The following SYK variants were observed in gnomAD, a reference collection of about 807,000 sequenced individuals.
SYK encodes the protein tyrosine-protein kinase SYK.
Under a neutral mutation model 77.8 loss-of-function variants are expected in SYK, and 16 were observed. That is an observed-to-expected ratio of 0.21 (90% confidence interval 0.14 to 0.31). The LOEUF (loss-of-function observed/expected upper bound fraction) is 0.31, where lower values mean the gene tolerates loss of function less well. Ranked by LOEUF, SYK falls within the 10% of genes least tolerant of loss-of-function variation. SYK has a pLI of 1.00. For missense variants in SYK, 529 were observed against 814.4 expected (o/e 0.65, Z 4.26); for synonymous variants, 312 against 308.7 (o/e 1.01, Z -0.11).
intron 1 of SYK, among the ~76,000 whole-genome samples, chr9:90,831,391 A>G (rs889070036): frequency 6.6e-6 from 1 of 152,238 alleles, no homozygotes; most frequent in African/African-American, 2.4e-5. Flanking sequence ...GACATAGGCT[A>G]CCTCTTCTGG....
chr9:90,819,147 G>T (rs937746728), intron 1 of SYK, among the ~76,000 whole-genome samples: 3 of 152,180 alleles, frequency 2.0e-5, no homozygotes, highest in African/African-American at 7.2e-5. Flanking sequence ...GCTTGTTTGT[G>T]ACCACTGAGG....
chr9:90,882,538 T>G (rs1828196782), intron 11 of SYK, among the ~76,000 whole-genome samples: 2 of 152,224 alleles, frequency 1.3e-5, no homozygotes, highest in Admixed American at 6.5e-5. Flanking sequence ...CTATGCAGTT[T>G]TGACCTCTGT....
intron 1 of SYK, among the ~76,000 whole-genome samples, chr9:90,822,221 A>C (rs1004231264): frequency 6.6e-6 from 1 of 152,216 alleles, no homozygotes; most frequent in African/African-American, 2.4e-5. Flanking sequence ...TGTAAGAGAT[A>C]TGTTTTCGAA....
intron 11 of SYK, 94 bp downstream of exon 11, chr9:90,879,047 A>G: frequency 2.0e-6 from 2 of 983,744 alleles, no homozygotes. Flanking sequence ...TATGGTTTCA[A>G]AAAGCAGTTT....
At chr9:90,893,103 A>G (rs726757) in intron 13 of SYK, among the ~76,000 whole-genome samples, 95,811 of 152,064 alleles carry the variant, frequency 0.63, 31,122 homozygotes, top group Non-Finnish European at 0.72. Flanking sequence ...CCCTGTCCCT[A>G]TCAGACCTTA....
intron 1 of SYK, among the ~76,000 whole-genome samples, chr9:90,807,301 G>A (rs183274264): frequency 6.6e-6 from 1 of 152,290 alleles, no homozygotes; most frequent in East Asian, 1.9e-4. Flanking sequence ...GCAGAATGTT[G>A]TGGTTGTTTT....
intron 3 of SYK, among the ~76,000 whole-genome samples, chr9:90,851,893 A>C (rs905051855): frequency 6.6e-6 from 1 of 152,210 alleles, no homozygotes; most frequent in Non-Finnish European, 1.5e-5. Flanking sequence ...GGCATACAAT[A>C]GAATGTATTT....
chr9:90,862,500 A>T (rs1827314025), intron 4 of SYK, among the ~76,000 whole-genome samples, 156 bp downstream of exon 4: 1 of 151,982 alleles, frequency 6.6e-6, no homozygotes, highest in African/African-American at 2.4e-5. Context: ...AGAAACACAC[A>T]CCTGGACCAC....
chr9:90,835,414 C>T (rs1224961042), intron 1 of SYK, among the ~76,000 whole-genome samples: 2 of 152,162 alleles, frequency 1.3e-5, no homozygotes, highest in Non-Finnish European at 2.9e-5. Flanking sequence ...TTAAGAGGAG[C>T]TTGGGTGATA....
chr9:90,852,293 TCA>T (rs1311098879), intron 3 of SYK, among the ~76,000 whole-genome samples: 20 of 152,200 alleles, frequency 1.3e-4, no homozygotes, highest in East Asian at 1.2e-3. Flanking sequence ...GGCCGTGCAG[TCA>T]CATTGCTGGG....
rs1334289468 is a variant in SYK, at chr9:90,843,712, T to C, written c.-41-146T>C. On this transcript the variant is annotated intron_variant, in intron 1 of 13. Coordinates refer to ENST00000375754, the MANE Select transcript of SYK (RefSeq NM_003177.7). ...ATGATGATGTGAACAGAAAGACAAC[T>C]GTGTGTTGGGAGGGCCAAAGAGGGA... The C allele has an allele frequency of 4.0e-5, 20 of 495,950 alleles. No individual in the cohort carries two copies. In the East Asian group the frequency reaches 6.2e-4, roughly 15 times the overall value. 30.7% of individuals were successfully genotyped at this position (495,950 alleles called of 1,614,324 possible). A position where few individuals can be genotyped will look rare whatever the true frequency, so the allele number is the denominator to read the frequency against.
rs1824942543 is a variant in SYK at position 90,808,600 on chromosome 9, G to A, written c.-42+6707G>A. Among the ~76,000 whole-genome samples the A allele has an allele frequency of 5.9e-5, 9 of 152,182 alleles. 1 individual carries two copies. In the South Asian group the frequency reaches 1.7e-3, roughly 28 times the overall value. Reference sequence around the variant, plus strand: ...GGCCCATAACTGGTCTGTGTGGTGTGTGGGTGGCAGGAACTCCCTGTTCTT... The same window carrying A: ...GGCCCATAACTGGTCTGTGTGGTGTATGGGTGGCAGGAACTCCCTGTTCTT... On this transcript the variant is annotated intron_variant, in intron 1 of 13. Transcript: ENST00000375754.
chr9:90,852,522 A>G (rs1826857458), intron 3 of SYK, among the ~76,000 whole-genome samples: 1 of 152,230 alleles, frequency 6.6e-6, no homozygotes, highest in African/African-American at 2.4e-5. Flanking sequence ...TAAAGATGGA[A>G]GTATTGTTTC....
intron 7 of SYK, among the ~76,000 whole-genome samples, chr9:90,868,182 G>T (rs1209422000): frequency 6.6e-6 from 1 of 152,204 alleles, no homozygotes; most frequent in African/African-American, 2.4e-5. Context: ...AAGATTTAAT[G>T]CAGTGTTCGA....
chr9:90,831,517 A>G (rs1825891208), intron 1 of SYK, among the ~76,000 whole-genome samples: 1 of 152,226 alleles, frequency 6.6e-6, no homozygotes, highest in African/African-American at 2.4e-5. Flanking sequence ...TCCAAGGTAA[A>G]TTTATATATC....
intron 3 of SYK, among the ~76,000 whole-genome samples, chr9:90,854,497 A>C (rs1301978318): frequency 6.6e-6 from 1 of 152,118 alleles, no homozygotes; most frequent in African/African-American, 2.4e-5. Flanking sequence ...CCCTGCAGCT[A>C]AGTGGGCCTG....
chr9:90,867,584 T>C (rs1485335120), intron 7 of SYK, among the ~76,000 whole-genome samples: 1 of 152,240 alleles, frequency 6.6e-6, no homozygotes, highest in African/African-American at 2.4e-5. Context: ...TAATTGATTA[T>C]GTAAGTTACG....
chr9:90,872,323 G>A (rs949256806), intron 7 of SYK, among the ~76,000 whole-genome samples: 11 of 152,216 alleles, frequency 7.2e-5, no homozygotes, highest in Admixed American at 3.3e-4. Context: ...TGGCTAGTCC[G>A]AGGACATCCT....
chr9:90,852,920 T>C (rs909007372), intron 3 of SYK, among the ~76,000 whole-genome samples: 13 of 152,278 alleles, frequency 8.5e-5, no homozygotes, highest in African/African-American at 2.9e-4. Context: ...CGCAAGCTGA[T>C]GTGCTGCAAA....
Sources: allele counts gnomAD v4.1 joint callset (sites outside exome capture counted in the v4.1 genomes callset), GRCh38; gene constraint gnomAD v4.1.1; transcripts MANE v1.5; gene names NCBI Gene and HGNC (gene_info 2026-07-23, HGNC 2026-07-21).